ABCA13: variants seen among roughly 807,000 people sequenced by gnomAD.
The protein encoded by ABCA13 is ATP binding cassette subfamily A member 13, also known as ATP-binding cassette sub-family A member 13.
A neutral mutation model predicts 478.7 loss-of-function variants in ABCA13; 476 were observed. That is an observed-to-expected ratio of 0.99 (90% CI 0.92 to 1.07). The LOEUF (loss-of-function observed/expected upper bound fraction) is 1.07, where lower values mean the gene tolerates loss of function less well. Among genes scored for constraint, ABCA13 ranks in the 50% least tolerant of loss-of-function variants. ABCA13 has a pLI of 0.00. For synonymous variants in ABCA13, 2,252 were observed against 2,158.9 expected (o/e 1.04, Z -1.20); for missense variants, 6,060 against 5,910.6 (o/e 1.03, Z -0.83).
rs980814423 is a variant in ABCA13, at chr7:48,488,859, CA to C, written c.13183-376del. Among the ~76,000 whole-genome samples, 5 of 152,054 alleles carry C rather than the reference CA, an allele frequency of 3.3e-5. No individual in the cohort carries two copies. In the East Asian group the frequency reaches 5.8e-4, roughly 18 times the overall value. Reference sequence around the variant, plus strand: ...GTTCAGTTATTAATTTGAAAGTAATCATTTTTTTTCTGATAATCTTCCACAC... The same window carrying C: ...GTTCAGTTATTAATTTGAAAGTAATCTTTTTTTTCTGATAATCTTCCACAC... On this transcript the variant is annotated intron_variant, in intron 47 of 61. Coordinates refer to ENST00000435803, the MANE Select transcript of ABCA13 (RefSeq NM_152701.5).
chr7:48,244,532 G>T, intron 10 of ABCA13, 44 bp from the exon 11 acceptor site: 2 of 1,583,784 alleles, frequency 1.3e-6, no homozygotes, highest in South Asian at 1.1e-5. Context: ...TTGGCACTTC[G>T]AACTACTTTT....
chr7:48,216,856 A>G (rs1562798838), intron 3 of ABCA13, among the ~76,000 whole-genome samples: 4 of 152,190 alleles, frequency 2.6e-5, no homozygotes. Context: ...TTTGGAGAGA[A>G]TTAACATTTT....
At position 48,427,872 on chromosome 7, in the gene ABCA13, G is replaced by A; in HGVS notation, c.12565+1G>A. On this transcript the variant is annotated splice_donor_variant, in intron 42 of 61. Transcript: ENST00000435803. LOFTEE classifies it high-confidence loss of function. ...CCTACAGGACATCTGTCTGGCTACTGTAAGTACAGAATGGCTTCCTGCATT... is the reference window on the plus strand; with the variant it reads ...CCTACAGGACATCTGTCTGGCTACTATAAGTACAGAATGGCTTCCTGCATT... The A allele has an allele frequency of 6.3e-7, 1 of 1,585,532 alleles. No individual in the cohort carries two copies. Among genetic ancestry groups the A allele is most frequent in the Non-Finnish European group, 8.6e-7 (1 of 1,165,256 alleles).
chr7:48,389,197 C>G lies in ABCA13; in HGVS notation c.11631C>G (p.Asn3877Lys). Residue 3877 changes from asparagine to lysine, a missense_variant, in exon 37 of 62, where the codon AAC becomes AAG. This residue lies in a region of ABCA13 where 1,627 missense variants were observed against 1,571.0 expected (regional missense o/e 1.04). Coordinates refer to ENST00000435803, the MANE Select transcript of ABCA13 (RefSeq NM_152701.5). ...RDQITALLGTNGAGKTTIISM... is the reference protein window; with the variant it reads ...RDQITALLGTKGAGKTTIISM... Reference sequence around the variant, plus strand: ...AAATCACCGCCCTGCTGGGGACAAACGGTGCCGGGAAAACCACTATCATGT... The same window carrying G: ...AAATCACCGCCCTGCTGGGGACAAAGGGTGCCGGGAAAACCACTATCATGT... 3 of 1,613,624 alleles carry G rather than the reference C, an allele frequency of 1.9e-6. No homozygotes were observed. The highest frequency in any genetic ancestry group is 4.5e-5 in the East Asian group (2 of 44,850).
At chr7:48,523,574 T>G (rs1424000035) in intron 53 of ABCA13, among the ~76,000 whole-genome samples, 1 of 151,802 alleles carries the variant, frequency 6.6e-6, no homozygotes, top group African/African-American at 2.4e-5. Flanking sequence ...ATTAAATATA[T>G]TTTAAATGAT....
Position 48,368,592 on chromosome 7 carries a change from A to G in ABCA13, c.10803+684A>G, listed in dbSNP as rs937285319. ...GCATTCCTGAGTTACTTCGCTTAGA[A>G]TAATAGTCTCTAATTCCATCCAGGT... is the stretch of plus-strand genomic sequence containing the variant. On this transcript the variant is annotated intron_variant, in intron 32 of 61. Transcript: ENST00000435803. Among the ~76,000 whole-genome samples the G allele has an allele frequency of 1.8e-4, 28 of 151,496 alleles. No homozygotes were observed. In the Middle Eastern group the frequency reaches 0.01, roughly 55 times the overall value.
intron 58 of ABCA13, among the ~76,000 whole-genome samples, chr7:48,604,128 C>G (rs1287610065): frequency 6.6e-6 from 1 of 152,034 alleles, no homozygotes; most frequent in Non-Finnish European, 1.5e-5. Context: ...CTCTTTTCTT[C>G]TTTATTAATC....
chr7:48,219,650 G>A (rs1327285303), intron 4 of ABCA13, 145 bp downstream of exon 4: 4 of 1,109,184 alleles, frequency 3.6e-6, no homozygotes, highest in African/African-American at 3.2e-5. Flanking sequence ...GATGAGGCCA[G>A]CACCTGCAGA....
intron 38 of ABCA13, among the ~76,000 whole-genome samples, chr7:48,392,866 A>G (rs1816269929): frequency 6.6e-6 from 1 of 152,236 alleles, no homozygotes; most frequent in African/African-American, 2.4e-5. Context: ...AACTGGTTGC[A>G]CAAGGCAGGG....
At chr7:48,387,377 T>C (rs1005645465) in intron 35 of ABCA13, among the ~76,000 whole-genome samples, 1 of 152,210 alleles carries the variant, frequency 6.6e-6, no homozygotes, top group African/African-American at 2.4e-5. Context: ...TTCTTCTTTA[T>C]GGAAATTTCA....
chr7:48,368,355 G>T (rs1054662231), intron 32 of ABCA13, among the ~76,000 whole-genome samples: 2 of 151,770 alleles, frequency 1.3e-5, no homozygotes, highest in Non-Finnish European at 2.9e-5. Flanking sequence ...GTGGTGTTTG[G>T]TTACATGAAT....
At chr7:48,205,869 TA>T (rs1174875796) in intron 3 of ABCA13, among the ~76,000 whole-genome samples, 1 of 152,246 alleles carries the variant, frequency 6.6e-6, no homozygotes. Flanking sequence ...AAGTTAATTT[TA>T]AAAATCAACT....
chr7:48,278,317 A>G lies in ABCA13; in HGVS notation c.7123A>G (p.Met2375Val), dbSNP rs754160269. The change falls in exon 18 of 62, where the codon ATG becomes GTG. Residue 2375 changes from methionine (M) to valine (V), a missense_variant. Around this residue, in one of 3 missense-constraint regions of ABCA13, gnomAD observed 4,423 missense variants for 4,309.1 expected, o/e 1.03. Coordinates refer to ENST00000435803, the MANE Select transcript of ABCA13 (RefSeq NM_152701.5). ...TAATGCCCTTCTCAGGGAAACTTCA[A>G]TGAAAAATAAGACTGAAAATAATAT... ...LFNALLRETS[M>V]KNKTENNIDF... 1.6e-5 allele frequency: 25 copies of G among 1,612,698 alleles called. No homozygotes were observed. In the East Asian group the frequency reaches 4.2e-4, roughly 27 times the overall value.
chr7:48,275,539 A>T lies in ABCA13; in HGVS notation c.5873A>T (p.Lys1958Ile), dbSNP rs201630832. 1.3e-5 allele frequency: 21 copies of T among 1,613,718 alleles called. No homozygotes were observed. The Admixed American group carries it at 2.8e-4, about 22-fold the overall frequency. ...CAAGTTGCTTTGCAAATCATAGAAA[A>T]ACTTAAAAATGTCAACTTTACAAAA... is the stretch of plus-strand genomic sequence containing the variant. ...IKQVALQIIE[K>I]LKNVNFTKVT... The change falls in exon 17 of 62, where the codon AAA becomes ATA. Residue 1958 changes from lysine to isoleucine, a missense_variant. By Grantham distance (102) the Lys-to-Ile change is moderately radical. Around this residue, in one of 3 missense-constraint regions of ABCA13, gnomAD observed 4,423 missense variants for 4,309.1 expected, o/e 1.03. Transcript: ENST00000435803.
At chr7:48,586,224 T>C (rs1789164673) in intron 56 of ABCA13, among the ~76,000 whole-genome samples, 1 of 152,124 alleles carries the variant, frequency 6.6e-6, no homozygotes, top group African/African-American at 2.4e-5. Flanking sequence ...GCCACCATCC[T>C]TGGGTCTTGG....
intron 1 of ABCA13, among the ~76,000 whole-genome samples, chr7:48,179,446 A>C (rs1002001264): frequency 6.6e-6 from 1 of 152,178 alleles, no homozygotes; most frequent in Non-Finnish European, 1.5e-5. Flanking sequence ...CTGTCAGCTA[A>C]GCCAGAGAGT....
At chr7:48,603,756 A>G (rs965639485) in intron 58 of ABCA13, 21 of 158,154 alleles carry the variant, frequency 1.3e-4, no homozygotes, top group South Asian at 6.9e-4. Context: ...AATGAGTTAC[A>G]GAGGATTCCC....
chr7:48,609,130 T>C (rs909042901), intron 58 of ABCA13, among the ~76,000 whole-genome samples: 1 of 152,152 alleles, frequency 6.6e-6, no homozygotes, highest in African/African-American at 2.4e-5. Context: ...TTTGCTGGAG[T>C]TTGCTGGCAT....
intron 25 of ABCA13, 125 bp downstream of exon 25, chr7:48,313,356 G>A: frequency 2.0e-6 from 2 of 978,336 alleles, no homozygotes; most frequent in South Asian, 1.8e-5. Context: ...AGGAATGAAA[G>A]TACCTTTTCA....
Sources: allele counts gnomAD v4.1 joint callset (sites outside exome capture counted in the v4.1 genomes callset), GRCh38; gene constraint gnomAD v4.1.1; regional missense constraint gnomAD v4.1.1; transcripts MANE v1.5; gene names NCBI Gene and HGNC (gene_info 2026-07-23, HGNC 2026-07-21).